EFNA2: variants seen among roughly 807,000 people sequenced by gnomAD.
The protein encoded by EFNA2 is ephrin A2, also known as ephrin-A2.
EFNA2 carries 18 observed loss-of-function variants against 19.7 expected under a neutral mutation model. The observed-to-expected ratio is 0.91, with a 90% CI of 0.63 to 1.35. The LOEUF is 1.35. Among genes scored for constraint, EFNA2 ranks in the 40% most tolerant of loss-of-function variants. The probability of loss-of-function intolerance (pLI) is 0.00; values close to 1 mark genes in which losing one functional copy is unlikely to be tolerated. For synonymous variants in EFNA2, 187 were observed against 137.8 expected (o/e 1.36, Z -2.50); for missense variants, 303 against 296.0 (o/e 1.02, Z -0.17).
At position 1,295,865 on chromosome 19, in the gene EFNA2, GGGGTC is replaced by G; in HGVS notation, c.454+11_454+15del. 6.3e-7 allele frequency: 1 copy of G among 1,577,710 alleles called. No individual in the cohort carries two copies. Among genetic ancestry groups the G allele is most frequent in the Non-Finnish European group, 8.6e-7 (1 of 1,167,858 alleles). ...CACGAGTATTACTACATCTGTGAGT[GGGGTC>G]GGGCCGGGGCTGCCGGGGCCCGAGT... On this transcript the variant is annotated splice_region_variant and intron_variant, in intron 2 of 3. Coordinates refer to ENST00000215368, the MANE Select transcript of EFNA2 (RefSeq NM_001405.4). This position sits in a 1 kb window ranked among gnomAD's most constrained non-coding sequence, Gnocchi z 5.8.
rs1456291685 is a variant in EFNA2 at position 1,286,338 on chromosome 19, G to A, written c.140+30G>A. ...GCGCGGCCGCGCGCGGGGGGCGCCC[G>A]GGGACCCCCCAACGCCCCCCAAGCC... On this transcript the variant is annotated intron_variant, in intron 1 of 3. Transcript: ENST00000215368. The surrounding 1 kb of genome is among the most constrained non-coding windows in gnomAD (Gnocchi z 5.6). 1.0e-6 allele frequency: 1 copy of A among 984,582 alleles called. No individual in the cohort carries two copies. Among genetic ancestry groups the A allele is most frequent in the Non-Finnish European group, 1.2e-6 (1 of 830,316 alleles). 61.0% of individuals were successfully genotyped at this position (984,582 alleles called of 1,614,324 possible).
Position 1,286,084 on chromosome 19 carries a change from TCGG to T in EFNA2, c.-66_-64del, listed in dbSNP as rs1051783963. 317 of 346,288 alleles carry T rather than the reference TCGG, an allele frequency of 9.2e-4. No individual in the cohort carries two copies. The highest frequency in any genetic ancestry group is 1.2e-3 in the South Asian group (11 of 9,014). The allele number at this position is 346,288 out of a possible 1,614,324, so 21.5% of individuals were successfully genotyped here. A position where few individuals can be genotyped will look rare whatever the true frequency, so the allele number is the denominator to read the frequency against. ...TCCCGCCCGCCCTCCGCCCGCCCGC[TCGG>T]CGGCGGCGGCGGCGGCGGAGGAGGC... On this transcript the variant is annotated 5_prime_UTR_variant, in exon 1 of 4. Transcript: ENST00000215368. This position sits in a 1 kb window ranked among gnomAD's most constrained non-coding sequence, Gnocchi z 5.6.
At chr19:1,292,229 G>A (rs2081495032) in intron 1 of EFNA2, among the ~76,000 whole-genome samples, 1 of 152,242 alleles carries the variant, frequency 6.6e-6, no homozygotes, top group Admixed American at 6.5e-5. Context: ...CTTGGAACCG[G>A]GAATGCCAAC....
At chr19:1,290,639 G>A (rs570208486) in intron 1 of EFNA2, among the ~76,000 whole-genome samples, 1 of 152,240 alleles carries the variant, frequency 6.6e-6, no homozygotes, top group South Asian at 2.1e-4. Flanking sequence ...CCGGGACACG[G>A]CTTCTCTCCT....
chr19:1,284,729 G>T (rs2081455462), upstream of EFNA2, among the ~76,000 whole-genome samples: 1 of 152,228 alleles, frequency 6.6e-6, no homozygotes, highest in Admixed American at 6.5e-5. This position sits in a 1 kb window ranked among gnomAD's most constrained non-coding sequence, Gnocchi z 5.3. Context: ...CACGGTCCCT[G>T]CCAGGAGTTT....
In EFNA2 at chr19:1,287,499, C is replaced by G. The variant is rs1212274419; in HGVS notation, c.140+1191C>G. Among the ~76,000 whole-genome samples, 1 of 152,122 alleles carries G rather than the reference C, an allele frequency of 6.6e-6. No homozygotes were observed. The highest frequency in any genetic ancestry group is 6.5e-5 in the Admixed American group (1 of 15,280). On this transcript the variant is annotated intron_variant, in intron 1 of 3. Coordinates refer to ENST00000215368, the MANE Select transcript of EFNA2 (RefSeq NM_001405.4). This position sits in a 1 kb window ranked among gnomAD's most constrained non-coding sequence, Gnocchi z 6.2. Reference sequence around the variant, plus strand: ...CCTTGTCCCCTCTGTCTCCTGCTGTCCTCGGTCCCCGGGAGGAAAGTTGCA... The same window carrying G: ...CCTTGTCCCCTCTGTCTCCTGCTGTGCTCGGTCCCCGGGAGGAAAGTTGCA...
chr19:1,288,281 C>T (rs1233318825), intron 1 of EFNA2, among the ~76,000 whole-genome samples: 1 of 152,226 alleles, frequency 6.6e-6, no homozygotes, highest in East Asian at 1.9e-4. Flanking sequence ...GATTTGGTGT[C>T]CAGGGGCACC....
chr19:1,286,146 A>T lies in EFNA2; in HGVS notation c.-23A>T. The T allele has an allele frequency of 1.1e-6, 1 of 889,264 alleles. No homozygotes were observed. The highest frequency in any genetic ancestry group is 1.9e-5 in the African/African-American group (1 of 54,000). The allele number at this position is 889,264 out of a possible 1,614,324, so 55.1% of individuals were successfully genotyped here. ...CTGGCAGGCGGCGGCCGGGAGAGCG[A>T]GCGCGGCGGCCGGACCGGGGCCATG... On this transcript the variant is annotated 5_prime_UTR_variant, in exon 1 of 4. Coordinates refer to ENST00000215368, the MANE Select transcript of EFNA2 (RefSeq NM_001405.4). The surrounding 1 kb of genome is among the most constrained non-coding windows in gnomAD (Gnocchi z 5.6).
intron 1 of EFNA2, among the ~76,000 whole-genome samples, chr19:1,293,956 C>G (rs575275293): frequency 1.3e-5 from 2 of 152,356 alleles, no homozygotes; most frequent in South Asian, 2.1e-4. Context: ...CCCTCTCTCT[C>G]GAGCTGCTGT....
Position 1,295,626 on chromosome 19 carries a change from G to C in EFNA2, c.222G>C (p.Pro74=), listed in dbSNP as rs773847053. 2 of 1,611,522 alleles carry C rather than the reference G, an allele frequency of 1.2e-6. No homozygotes were observed. The highest frequency in any genetic ancestry group is 1.1e-5 in the South Asian group (1 of 90,882). ...SINDYLDIYC[P]HYGAPLPPAE... Reference sequence around the variant, plus strand: ...ATGACTACCTGGACATCTACTGCCCGCACTATGGGGCGCCGCTGCCGCCGG... The same window carrying C: ...ATGACTACCTGGACATCTACTGCCCCCACTATGGGGCGCCGCTGCCGCCGG... Residue 74 remains proline (P), a synonymous_variant, in exon 2 of 4, where the codon CCG becomes CCC. Coordinates refer to ENST00000215368, the MANE Select transcript of EFNA2 (RefSeq NM_001405.4). The surrounding 1 kb of genome is among the most constrained non-coding windows in gnomAD (Gnocchi z 5.8).
chr19:1,294,414 G>A lies in EFNA2; in HGVS notation c.141-1131G>A, dbSNP rs2081504879. Among the ~76,000 whole-genome samples, 1 of 152,220 alleles carries A rather than the reference G, an allele frequency of 6.6e-6. No homozygotes were observed. The highest frequency in any genetic ancestry group is 1.5e-5 in the Non-Finnish European group (1 of 68,042). On this transcript the variant is annotated intron_variant, in intron 1 of 3. Transcript: ENST00000215368. The surrounding 1 kb of genome is among the most constrained non-coding windows in gnomAD (Gnocchi z 5.8). The stretch of plus-strand genomic sequence containing the variant: ...GCTCCCTGGAGGAAGGGGCCTGTGG[G>A]TTGCGTCTGGGGGACCTCAGGGCAA...
upstream of EFNA2, among the ~76,000 whole-genome samples, chr19:1,285,084 T>C (rs1042186423): frequency 6.6e-6 from 1 of 152,108 alleles, no homozygotes; most frequent in Non-Finnish European, 1.5e-5. This position sits in a 1 kb window ranked among gnomAD's most constrained non-coding sequence, Gnocchi z 4.1. Flanking sequence ...ACTGTCTCTA[T>C]AGATTGGAAA....
At position 1,300,082 on chromosome 19, in the gene EFNA2, C is replaced by T; in HGVS notation, c.*137C>T. 2.3e-6 allele frequency: 3 copies of T among 1,279,398 alleles called. No individual in the cohort carries two copies. The highest frequency in any genetic ancestry group is 3.2e-5 in the South Asian group (2 of 63,352). The allele number at this position is 1,279,398 out of a possible 1,614,324, so 79.3% of individuals were successfully genotyped here. On this transcript the variant is annotated 3_prime_UTR_variant, in exon 4 of 4. Coordinates refer to ENST00000215368, the MANE Select transcript of EFNA2 (RefSeq NM_001405.4). ...GCTTCTCCCTCGCCTGGTGCCGCCCCCGCCGGGCAGGGGCCATCCACCCGC... is the reference window on the plus strand; with the variant it reads ...GCTTCTCCCTCGCCTGGTGCCGCCCTCGCCGGGCAGGGGCCATCCACCCGC...
chr19:1,284,770 C>T (rs1011098328), upstream of EFNA2, among the ~76,000 whole-genome samples: 1 of 152,208 alleles, frequency 6.6e-6, no homozygotes, highest in Non-Finnish European at 1.5e-5. This position sits in a 1 kb window ranked among gnomAD's most constrained non-coding sequence, Gnocchi z 5.3. Flanking sequence ...ACCTTCGGGT[C>T]CAAGGGCTGT....
chr19:1,286,154 G>T lies in EFNA2; in HGVS notation c.-15G>T. ...CGGCGGCCGGGAGAGCGAGCGCGGC[G>T]GCCGGACCGGGGCCATGGCGCCCGC... is the stretch of plus-strand genomic sequence containing the variant. On this transcript the variant is annotated 5_prime_UTR_variant, in exon 1 of 4. Transcript: ENST00000215368. The surrounding 1 kb of genome is among the most constrained non-coding windows in gnomAD (Gnocchi z 5.6). The T allele has an allele frequency of 2.1e-6, 2 of 933,730 alleles. No homozygotes were observed. The highest frequency in any genetic ancestry group is 4.8e-5 in the South Asian group (1 of 20,992). The allele number at this position is 933,730 out of a possible 1,614,324, so 57.8% of individuals were successfully genotyped here. A position where few individuals can be genotyped will look rare whatever the true frequency, so the allele number is the denominator to read the frequency against.
In EFNA2 at chr19:1,295,870, C is replaced by T; in HGVS notation, c.454+12C>T. On this transcript the variant is annotated intron_variant, in intron 2 of 3. Transcript: ENST00000215368. This position sits in a 1 kb window ranked among gnomAD's most constrained non-coding sequence, Gnocchi z 5.8. ...GTATTACTACATCTGTGAGTGGGGT[C>T]GGGCCGGGGCTGCCGGGGCCCGAGT... The T allele has an allele frequency of 2.2e-6, 3 of 1,337,128 alleles. No homozygotes were observed. Among genetic ancestry groups the T allele is most frequent in the African/African-American group, 1.6e-5 (1 of 62,622 alleles). The allele number at this position is 1,337,128 out of a possible 1,614,324, so 82.8% of individuals were successfully genotyped here.
At chr19:1,290,492 G>A (rs1156690000) in intron 1 of EFNA2, among the ~76,000 whole-genome samples, 2 of 152,208 alleles carry the variant, frequency 1.3e-5, no homozygotes, top group African/African-American at 4.8e-5. Context: ...GCAGGGGACT[G>A]GCCCTACGTG....
In EFNA2 at chr19:1,295,425, C is replaced by T; in HGVS notation, c.141-120C>T. 9.1e-7 allele frequency: 1 copy of T among 1,093,244 alleles called. No homozygotes were observed. Among genetic ancestry groups the T allele is most frequent in the Non-Finnish European group, 1.2e-6 (1 of 802,778 alleles). The allele number at this position is 1,093,244 out of a possible 1,614,324, so 67.7% of individuals were successfully genotyped here. On this transcript the variant is annotated intron_variant, in intron 1 of 3. Transcript: ENST00000215368. The surrounding 1 kb of genome is among the most constrained non-coding windows in gnomAD (Gnocchi z 5.8). ...CCCGTGCTCCTGACCCCGGCCCTCG[C>T]CGCGCACCCCGACCCGTCCCTCGTG... is the stretch of plus-strand genomic sequence containing the variant.
rs1305857315 is a variant in EFNA2 at position 1,295,644 on chromosome 19, G to A, written c.240G>A (p.Leu80=). The change falls in exon 2 of 4, where the codon CTG becomes CTA. Residue 80 remains leucine, a synonymous_variant. Transcript: ENST00000215368. This position sits in a 1 kb window ranked among gnomAD's most constrained non-coding sequence, Gnocchi z 5.8. ...ACTGCCCGCACTATGGGGCGCCGCT[G>A]CCGCCGGCCGAGCGCATGGAGCACT... The part of the protein sequence containing the change: ...DIYCPHYGAP[L]PPAERMEHYV... 8.1e-6 allele frequency: 13 copies of A among 1,611,404 alleles called. No homozygotes were observed. The highest frequency in any genetic ancestry group is 1.1e-5 in the Non-Finnish European group (13 of 1,179,374).
Sources: gnomAD v4.1 joint callset for allele counts (sites outside exome capture counted in the v4.1 genomes callset) on GRCh38, gnomAD v4.1.1 for gene constraint, Gnocchi (gnomAD v3.1) non-coding constraint, MANE v1.5 for transcripts, NCBI Gene and HGNC (gene_info 2026-07-23, HGNC 2026-07-21) for gene names.